TBCK: variants seen among roughly 807,000 people sequenced by gnomAD.
TBCK encodes the protein TBC domain-containing protein kinase-like protein.
Under a neutral mutation model 113.4 loss-of-function variants are expected in TBCK, and 99 were observed. That is an observed-to-expected ratio of 0.87 (90% CI 0.74 to 1.03). The LOEUF is 1.03. Ranked by LOEUF, TBCK falls within the 50% of genes least tolerant of loss-of-function variation. The pLI is 0.00. For missense variants in TBCK, 1,045 were observed against 1,061.3 expected (o/e 0.98, Z 0.21); for synonymous variants, 369 against 370.8 (o/e 1.00, Z 0.05).
chr4:106,096,698 A>C (rs559715063), intron 24 of TBCK, among the ~76,000 whole-genome samples: 2 of 152,062 alleles, frequency 1.3e-5, no homozygotes, highest in Admixed American at 1.3e-4. Flanking sequence ...GGTGGAGGGG[A>C]GGGTGATGGT....
At chr4:106,110,358 A>G (rs1216947279) in intron 24 of TBCK, among the ~76,000 whole-genome samples, 1 of 152,284 alleles carries the variant, frequency 6.6e-6, no homozygotes, top group East Asian at 1.9e-4. Context: ...ACCCTCAAAA[A>G]TGAAGGTGAA....
At chr4:106,207,184 T>C (rs1006057327) in intron 20 of TBCK, among the ~76,000 whole-genome samples, 1 of 152,174 alleles carries the variant, frequency 6.6e-6, no homozygotes. Context: ...ATAACTACCA[T>C]GAAATGTATA....
At chr4:106,237,591 T>G (rs1031992995) in intron 12 of TBCK, 3 of 453,920 alleles carry the variant, frequency 6.6e-6, no homozygotes, top group African/African-American at 6.0e-5. Context: ...GCACTGATCT[T>G]CTGCTGATTA....
In TBCK at chr4:106,251,924, G is replaced by A; in HGVS notation, c.539C>T (p.Pro180Leu). The part of the protein sequence containing the change: ...TDHMPSKKPL[P>L]SGPKSDVWSL... ...CCATACATCTGATTTGGGGCCAGAA[G>A]GCAATGGTTTTTTACTTGGCATGTG... Residue 180 changes from proline (P) to leucine (L), a missense_variant, in exon 6 of 26, where the codon CCT becomes CTT. Transcript: ENST00000394708. 1 of 1,611,596 alleles carries A rather than the reference G, an allele frequency of 6.2e-7. No individual in the cohort carries two copies. The highest frequency in any genetic ancestry group is 8.5e-7 in the Non-Finnish European group (1 of 1,178,404).
At position 106,230,353 on chromosome 4, in the gene TBCK, A is replaced by G. The variant is rs750652657; in HGVS notation, c.1774+10T>C. 6.5e-7 allele frequency: 1 copy of G among 1,541,232 alleles called. No homozygotes were observed. Among genetic ancestry groups the G allele is most frequent in the South Asian group, 1.2e-5 (1 of 84,784 alleles). On this transcript the variant is annotated intron_variant, in intron 19 of 25. Transcript: ENST00000394708. The stretch of plus-strand genomic sequence containing the variant: ...TTCTCTGTAGAAAGACATGGAAGAC[A>G]TTTGCTTACCTTGTATTACATGTGA...
At chr4:106,130,396 AGAG>A (rs965657262) in intron 23 of TBCK, among the ~76,000 whole-genome samples, 1 of 152,200 alleles carries the variant, frequency 6.6e-6, no homozygotes, top group African/African-American at 2.4e-5. Flanking sequence ...ACACAATAAA[AGAG>A]GATAGAACAA....
intron 23 of TBCK, among the ~76,000 whole-genome samples, chr4:106,118,238 A>G (rs1743794712): frequency 6.6e-6 from 1 of 152,142 alleles, no homozygotes. Context: ...TAAATCATTT[A>G]CCAGATAGAT....
chr4:106,083,971 T>A (rs1490845483), intron 25 of TBCK, among the ~76,000 whole-genome samples: 3 of 151,924 alleles, frequency 2.0e-5, no homozygotes, highest in Non-Finnish European at 4.4e-5. Flanking sequence ...GACAAACTCA[T>A]GAAGATGGGA....
At chr4:106,269,951 T>C (rs1763326545) in intron 3 of TBCK, among the ~76,000 whole-genome samples, 1 of 152,152 alleles carries the variant, frequency 6.6e-6, no homozygotes, top group African/African-American at 2.4e-5. Context: ...TTGTTATGCT[T>C]AGACAGTGTT....
At chr4:106,265,297 T>G (rs902574592) in intron 3 of TBCK, among the ~76,000 whole-genome samples, 2 of 151,942 alleles carry the variant, frequency 1.3e-5, no homozygotes, top group Non-Finnish European at 2.9e-5. Context: ...GGTACATGAG[T>G]TTTGATACAG....
At chr4:106,154,282 T>C (rs1156835839) in intron 23 of TBCK, among the ~76,000 whole-genome samples, 1 of 152,212 alleles carries the variant, frequency 6.6e-6, no homozygotes, top group African/African-American at 2.4e-5. Context: ...TAATCCATTA[T>C]TTTAAGCTGA....
chr4:106,090,802 G>T (rs1423756219), intron 25 of TBCK, among the ~76,000 whole-genome samples: 1 of 151,976 alleles, frequency 6.6e-6, no homozygotes, highest in Non-Finnish European at 1.5e-5. Context: ...CTTAACTCCA[G>T]GTCCCAATAA....
rs758969460 is a variant in TBCK, at chr4:106,313,005, G to A, written c.-30+2926C>T. ...CTCTATCTCGATTGTGGTGGTAGTG[G>A]TTTTATGGATGAGTACATGCATCAA... On this transcript the variant is annotated intron_variant, in intron 1 of 25. Coordinates refer to ENST00000394708, the MANE Select transcript of TBCK (RefSeq NM_001163435.3). Among the ~76,000 whole-genome samples the A allele has an allele frequency of 2.0e-5, 3 of 152,244 alleles. No homozygotes were observed. The East Asian group carries it at 5.8e-4, about 29-fold the overall frequency.
intron 3 of TBCK, among the ~76,000 whole-genome samples, chr4:106,283,452 G>A (rs1046732517): frequency 4.6e-5 from 7 of 152,212 alleles, no homozygotes; most frequent in Admixed American, 2.0e-4. Flanking sequence ...GAGAAGAAGA[G>A]TACGAAGGGA....
intron 22 of TBCK, among the ~76,000 whole-genome samples, chr4:106,189,121 T>C (rs4429790): frequency 0.14 from 21,475 of 152,094 alleles, 1,706 homozygotes; most frequent in South Asian, 0.25. Context: ...CCTTAACTAA[T>C]TTTAAACTCA....
chr4:106,219,892 C>T lies in TBCK; in HGVS notation c.1775-7057G>A, dbSNP rs560879809. Among the ~76,000 whole-genome samples, 3 of 152,200 alleles carry T rather than the reference C, an allele frequency of 2.0e-5. No homozygotes were observed. In the South Asian group the frequency reaches 6.2e-4, roughly 32 times the overall value. On this transcript the variant is annotated intron_variant, in intron 19 of 25. Coordinates refer to ENST00000394708, the MANE Select transcript of TBCK (RefSeq NM_001163435.3). Reference sequence around the variant, plus strand: ...TTTCCCTTCATAATCACAACTTTCTCCTACAGTAAAGTAACATCTATTTTT... The same window carrying T: ...TTTCCCTTCATAATCACAACTTTCTTCTACAGTAAAGTAACATCTATTTTT...
At chr4:106,126,240 C>A (rs933517113) in intron 23 of TBCK, among the ~76,000 whole-genome samples, 1 of 152,160 alleles carries the variant, frequency 6.6e-6, no homozygotes, top group African/African-American at 2.4e-5. Flanking sequence ...TCTATGTCTT[C>A]ACAGGTATCT....
At chr4:106,101,128 A>C (rs748336965) in intron 24 of TBCK, among the ~76,000 whole-genome samples, 9 of 151,694 alleles carry the variant, frequency 5.9e-5, no homozygotes, top group Non-Finnish European at 1.2e-4. Context: ...CTATAACTAA[A>C]CTCTATATCC....
At chr4:106,243,855 AT>A (rs897816243) in intron 11 of TBCK, among the ~76,000 whole-genome samples, 2 of 151,414 alleles carry the variant, frequency 1.3e-5, no homozygotes, top group African/African-American at 2.4e-5. Flanking sequence ...CGCCCAGCTA[AT>A]TTTTTTTCTT....
Sources: gnomAD v4.1 joint callset for allele counts (sites outside exome capture counted in the v4.1 genomes callset) on GRCh38, gnomAD v4.1.1 for gene constraint, MANE v1.5 for transcripts, NCBI Gene and HGNC (gene_info 2026-07-23, HGNC 2026-07-21) for gene names.